Variants in DNAH11 observed in about 807,000 individuals in gnomAD.
DNAH11 encodes the protein dynein axonemal heavy chain 11, also known as axonemal beta dynein heavy chain 11.
In DNAH11, 442 loss-of-function variants were observed where a neutral mutation model predicts 526.0. The observed-to-expected ratio is 0.84, with a 90% CI of 0.78 to 0.91. The LOEUF (loss-of-function observed/expected upper bound fraction) is 0.91. DNAH11 is among the 40% of genes least tolerant of loss of function. The pLI is 0.00. For missense variants in DNAH11, 6,989 were observed against 5,448.7 expected (o/e 1.28, Z -8.90); for synonymous variants, 2,461 against 1,935.9 (o/e 1.27, Z -7.12).
At chr7:21,614,834 T>C (rs1292221847) in intron 20 of DNAH11, among the ~76,000 whole-genome samples, 1 of 152,134 alleles carries the variant, frequency 6.6e-6, no homozygotes, top group African/African-American at 2.4e-5. Flanking sequence ...AGAGGAAAAA[T>C]TGTATTCAGA....
chr7:21,882,038 C>T (rs1274005617), intron 75 of DNAH11, among the ~76,000 whole-genome samples: 2 of 152,162 alleles, frequency 1.3e-5, no homozygotes, highest in Non-Finnish European at 2.9e-5. Flanking sequence ...AACTATTGCA[C>T]ATAAAATTAT....
At chr7:21,819,111 C>T (rs1268738950) in intron 65 of DNAH11, among the ~76,000 whole-genome samples, 2 of 152,176 alleles carry the variant, frequency 1.3e-5, no homozygotes, top group Non-Finnish European at 2.9e-5. Context: ...CCTTATGCCT[C>T]TTCACACAAC....
intron 65 of DNAH11, among the ~76,000 whole-genome samples, chr7:21,836,089 A>G (rs1044236634): frequency 6.6e-6 from 1 of 152,148 alleles, no homozygotes; most frequent in African/African-American, 2.4e-5. Context: ...CATTGATGAA[A>G]TAAATTGAAG....
At chr7:21,583,334 GGGAAA>G (rs1784378088) in intron 9 of DNAH11, among the ~76,000 whole-genome samples, 1 of 152,104 alleles carries the variant, frequency 6.6e-6, no homozygotes, top group Non-Finnish European at 1.5e-5. Flanking sequence ...ACAAGCAATG[GGGAAA>G]GGATTCCCTA....
chr7:21,640,776 T>G lies in DNAH11; in HGVS notation c.4944+1711T>G, dbSNP rs561159947. Among the ~76,000 whole-genome samples the G allele has an allele frequency of 2.0e-5, 3 of 152,266 alleles. No individual in the cohort carries two copies. The South Asian group carries it at 6.2e-4, about 32-fold the overall frequency. ...ACTCAGCATATTCTAGTTGGAAATT[T>G]CCATCTCATCTCCATGTCAAGGCCA... On this transcript the variant is annotated intron_variant, in intron 28 of 81. Transcript: ENST00000409508.
At chr7:21,764,619 C>G (rs978109571) in intron 54 of DNAH11, among the ~76,000 whole-genome samples, 17 of 152,314 alleles carry the variant, frequency 1.1e-4, no homozygotes, top group South Asian at 2.1e-4. Flanking sequence ...CAGGGTGTCT[C>G]TGATGAACCC....
chr7:21,711,991 A>G (rs1784481091), intron 42 of DNAH11, 131 bp downstream of exon 42: 5 of 1,104,942 alleles, frequency 4.5e-6, no homozygotes, highest in South Asian at 1.6e-5. Flanking sequence ...GAAGGATTTT[A>G]TCTTCCCAAA....
At chr7:21,554,783 C>G (rs2128428953) in intron 2 of DNAH11, among the ~76,000 whole-genome samples, 1 of 152,324 alleles carries the variant, frequency 6.6e-6, no homozygotes, top group Middle Eastern at 3.4e-3. Context: ...AAGCCAGTCT[C>G]TCCCTGTCTA....
intron 25 of DNAH11, among the ~76,000 whole-genome samples, chr7:21,628,859 G>C (rs1314429235): frequency 6.6e-6 from 1 of 152,040 alleles, no homozygotes; most frequent in African/African-American, 2.4e-5. Flanking sequence ...ACCACCTTTT[G>C]TGTTGTTGAT....
intron 14 of DNAH11, among the ~76,000 whole-genome samples, chr7:21,594,099 C>CACAT (rs1784788933): frequency 9.0e-6 from 1 of 111,268 alleles, no homozygotes; most frequent in Non-Finnish European, 2.1e-5. Flanking sequence ...CACACACACA[C>CACAT]TCTGAAGCCA....
intron 58 of DNAH11, 42 bp downstream of exon 58, chr7:21,784,582 A>G (rs780454426): frequency 7.1e-7 from 1 of 1,417,910 alleles, no homozygotes; most frequent in Non-Finnish European, 9.6e-7. Context: ...TCAAAGTAAT[A>G]TTTAAAGGTT....
At chr7:21,734,943 G>A (rs898062245) in intron 45 of DNAH11, among the ~76,000 whole-genome samples, 2 of 152,046 alleles carry the variant, frequency 1.3e-5, no homozygotes, top group African/African-American at 2.4e-5. Flanking sequence ...AGCCCGAGGC[G>A]GGTGGATCAC....
At position 21,570,132 on chromosome 7, in the gene DNAH11, G is replaced by C. The variant is rs373862531; in HGVS notation, c.1258G>C (p.Val420Leu). 6 of 1,613,206 alleles carry C rather than the reference G, an allele frequency of 3.7e-6. No individual in the cohort carries two copies. The highest frequency in any genetic ancestry group is 1.7e-5 in the Admixed American group (1 of 59,922). Reference protein sequence around the residue: ...RGEIEESLEKVQVAVNILKTF... With the variant: ...RGEIEESLEKLQVAVNILKTF... ...AGAAATAGAAGAGTCACTGGAAAAG[G>C]TGCAGGTGGCTGTTAACATCTTAAA... is the stretch of plus-strand genomic sequence containing the variant. Residue 420 changes from valine to leucine, a missense_variant, in exon 7 of 82, where the codon GTG (valine) becomes CTG (leucine). Physicochemically the swap from Val to Leu is conservative, Grantham distance 32. Transcript: ENST00000409508.
intron 76 of DNAH11, among the ~76,000 whole-genome samples, chr7:21,890,249 C>G (rs571274631): frequency 6.6e-6 from 1 of 152,192 alleles, no homozygotes; most frequent in African/African-American, 2.4e-5. Flanking sequence ...AGCTGTATAC[C>G]TCAGGCCCTT....
intron 68 of DNAH11, among the ~76,000 whole-genome samples, 184 bp from the exon 69 acceptor site, chr7:21,861,669 A>T (rs1353317022): frequency 6.6e-6 from 1 of 152,248 alleles, no homozygotes; most frequent in Non-Finnish European, 1.5e-5. Flanking sequence ...TATTCATAAT[A>T]ACAGTAATGA....
intron 45 of DNAH11, among the ~76,000 whole-genome samples, chr7:21,731,009 T>G (rs1785359804): frequency 6.6e-6 from 1 of 151,862 alleles, no homozygotes; most frequent in Admixed American, 6.6e-5. Flanking sequence ...CTAGGTGTGG[T>G]GGTGTGCGCC....
intron 52 of DNAH11, 118 bp downstream of exon 52, chr7:21,748,860 G>T (rs180830800): frequency 1.0e-6 from 1 of 995,432 alleles, no homozygotes; most frequent in Admixed American, 2.6e-5. Context: ...CCCCAACCAC[G>T]GGAGAGCGGG....
intron 18 of DNAH11, among the ~76,000 whole-genome samples, chr7:21,601,967 C>CTT: frequency 6.7e-6 from 1 of 148,380 alleles, no homozygotes; most frequent in South Asian, 2.2e-4. Context: ...TATATCCATA[C>CTT]TTTTTTTTTT....
chr7:21,738,832 A>T lies in DNAH11; in HGVS notation c.7777A>T (p.Thr2593Ser). The change falls in exon 47 of 82, where the codon ACC becomes TCC. Residue 2593 changes from threonine (T) to serine (S), a missense_variant. Coordinates refer to ENST00000409508, the MANE Select transcript of DNAH11 (RefSeq NM_001277115.2). ...CTTATATGGCACCGTTCAGCCTCAC[A>T]CCCTGATCCGGCAGCATATTGATTA... ...VDLYGTVQPHTLIRQHIDYGH... is the reference protein window; with the variant it reads ...VDLYGTVQPHSLIRQHIDYGH... 6.2e-7 allele frequency: 1 copy of T among 1,603,990 alleles called. No individual in the cohort carries two copies.
Sources: gnomAD v4.1 joint callset for allele counts (sites outside exome capture counted in the v4.1 genomes callset) on GRCh38, gnomAD v4.1.1 for gene constraint, MANE v1.5 for transcripts, NCBI Gene and HGNC (gene_info 2026-07-23, HGNC 2026-07-21) for gene names.